ANO3: variants seen among roughly 807,000 people sequenced by gnomAD.
ANO3 encodes anoctamin 3.
In ANO3, 99 loss-of-function variants were observed where a neutral mutation model predicts 144.8. The observed-to-expected ratio is 0.68, with a 90% CI of 0.58 to 0.81. The LOEUF (loss-of-function observed/expected upper bound fraction) is 0.81. ANO3 is among the 30% of genes least tolerant of loss of function. The probability of loss-of-function intolerance (pLI) is 0.00; values close to 1 mark genes in which losing one functional copy is unlikely to be tolerated. For missense variants in ANO3, 905 were observed against 1,202.2 expected (o/e 0.75, Z 3.66); for synonymous variants, 414 against 392.6 (o/e 1.05, Z -0.64).
intron 1 of ANO3, among the ~76,000 whole-genome samples, chr11:26,303,915 T>G (rs1012870726): frequency 2.6e-5 from 4 of 152,084 alleles, no homozygotes; most frequent in Non-Finnish European, 5.9e-5. Context: ...AGTAGGGGTT[T>G]CACCACTTTG....
intron 4 of ANO3, among the ~76,000 whole-genome samples, chr11:26,504,875 G>A (rs1450119968): frequency 2.0e-5 from 3 of 151,982 alleles, no homozygotes; most frequent in African/African-American, 7.2e-5. Flanking sequence ...AGCCGGGCGT[G>A]GTGGCGGGCG....
At position 26,660,721 on chromosome 11, in the gene ANO3, A is replaced by T. The variant is rs1227186604; in HGVS notation, c.*277A>T. 2 of 314,978 alleles carry T rather than the reference A, an allele frequency of 6.3e-6. No individual in the cohort carries two copies. Among genetic ancestry groups the T allele is most frequent in the South Asian group, 1.5e-4 (2 of 13,068 alleles). The allele number at this position is 314,978 out of a possible 1,614,324, so 19.5% of individuals were successfully genotyped here. A position where few individuals can be genotyped will look rare whatever the true frequency, so the allele number is the denominator to read the frequency against. Reference sequence around the variant, plus strand: ...TCTCAGGGAGATATATGCTTGGAGAACTCTGCCTTCCATCAACTGCAGTGT... The same window carrying T: ...TCTCAGGGAGATATATGCTTGGAGATCTCTGCCTTCCATCAACTGCAGTGT... On this transcript the variant is annotated 3_prime_UTR_variant, in exon 27 of 27. Transcript: ENST00000256737.
chr11:26,226,066 C>T (rs1852251135), intron 1 of ANO3, among the ~76,000 whole-genome samples: 1 of 152,046 alleles, frequency 6.6e-6, no homozygotes, highest in Non-Finnish European at 1.5e-5. Flanking sequence ...CTACAAGCCT[C>T]TCGTATTCCC....
intron 17 of ANO3, among the ~76,000 whole-genome samples, chr11:26,603,880 G>A (rs1303133169): frequency 6.6e-6 from 1 of 152,054 alleles, no homozygotes; most frequent in Non-Finnish European, 1.5e-5. Flanking sequence ...TTAAACATAT[G>A]TATGTTGTAT....
intron 3 of ANO3, among the ~76,000 whole-genome samples, chr11:26,456,096 C>A (rs960726338): frequency 6.6e-5 from 10 of 152,060 alleles, no homozygotes; most frequent in African/African-American, 2.4e-4. Context: ...AAGACCTAAA[C>A]ATTAGACCTA....
At chr11:26,348,688 G>A (rs539063441) in intron 1 of ANO3, among the ~76,000 whole-genome samples, 1 of 152,264 alleles carries the variant, frequency 6.6e-6, no homozygotes, top group South Asian at 2.1e-4. Context: ...CATAGCAAAA[G>A]CACTCATTTA....
At chr11:26,537,925 T>C (rs1428313643) in intron 10 of ANO3, among the ~76,000 whole-genome samples, 1 of 152,230 alleles carries the variant, frequency 6.6e-6, no homozygotes, top group Non-Finnish European at 1.5e-5. Context: ...TAAGCTGCAG[T>C]GGGCCTTGTC....
chr11:26,189,158 G>C, exon 1 of ANO3: 1 of 979,042 alleles, frequency 1.0e-6, no homozygotes. Context: ...ACTTTACATA[G>C]TTATATGGGA....
At chr11:26,610,147 G>A (rs1852054270) in intron 17 of ANO3, among the ~76,000 whole-genome samples, 1 of 152,126 alleles carries the variant, frequency 6.6e-6, no homozygotes, top group Non-Finnish European at 1.5e-5. Flanking sequence ...CTGACCTCAG[G>A]TGATTCGCCT....
intron 6 of ANO3, among the ~76,000 whole-genome samples, chr11:26,519,597 C>A (rs557095133): frequency 1.1e-4 from 16 of 152,236 alleles, no homozygotes; most frequent in Admixed American, 7.9e-4. Flanking sequence ...GGTGAGGGCC[C>A]TCTTTTGGGT....
chr11:26,259,849 T>C (rs916120507), intron 1 of ANO3, among the ~76,000 whole-genome samples: 4 of 151,854 alleles, frequency 2.6e-5, no homozygotes, highest in East Asian at 1.9e-4. Flanking sequence ...CTTACTTACA[T>C]AGAGAATATA....
At chr11:26,495,260 G>A (rs925428893) in intron 4 of ANO3, among the ~76,000 whole-genome samples, 3 of 136,686 alleles carry the variant, frequency 2.2e-5, no homozygotes, top group Non-Finnish European at 3.1e-5. Flanking sequence ...GTGCCACCAC[G>A]GCTGGCTGAT....
intron 5 of ANO3, among the ~76,000 whole-genome samples, chr11:26,514,363 A>T (rs1316819205): frequency 6.6e-6 from 1 of 152,134 alleles, no homozygotes; most frequent in Non-Finnish European, 1.5e-5. Context: ...TCAACTGAGA[A>T]AAAAACATTT....
chr11:26,283,324 A>C, intron 1 of ANO3, among the ~76,000 whole-genome samples: 1 of 18,322 alleles, frequency 5.5e-5, no homozygotes, highest in African/African-American at 5.2e-4. Context: ...ATAAATAAAT[A>C]TATATATATA....
upstream of ANO3, chr11:26,331,526 G>T (rs1855040487): frequency 6.6e-6 from 1 of 152,008 alleles, no homozygotes; most frequent in Admixed American, 6.6e-5. Flanking sequence ...CTACATTACA[G>T]GGCTTTTATG....
intron 17 of ANO3, among the ~76,000 whole-genome samples, chr11:26,621,385 T>A (rs1310891401): frequency 6.6e-6 from 1 of 152,146 alleles, no homozygotes; most frequent in African/African-American, 2.4e-5. Flanking sequence ...ATACATCAAG[T>A]CTGTGCCAGA....
chr11:26,211,708 T>G (rs140126682), intron 1 of ANO3, among the ~76,000 whole-genome samples: 2,000 of 152,328 alleles, frequency 0.013, 27 homozygotes, highest in Middle Eastern at 0.034. Flanking sequence ...ATCCCATTAC[T>G]GGATATATAC....
At chr11:26,654,532 A>G (rs1271707937) in intron 24 of ANO3, among the ~76,000 whole-genome samples, 3 of 152,148 alleles carry the variant, frequency 2.0e-5, no homozygotes, top group Non-Finnish European at 2.9e-5. Context: ...TCCTATGTAT[A>G]TAACTATACC....
intron 17 of ANO3, among the ~76,000 whole-genome samples, chr11:26,616,844 C>T (rs1483401550): frequency 5.3e-5 from 8 of 152,152 alleles, no homozygotes; most frequent in Admixed American, 3.3e-4. Context: ...AAGATCTTAG[C>T]TCACCACAAC....
Sources: allele counts gnomAD v4.1 joint callset (sites outside exome capture counted in the v4.1 genomes callset), GRCh38; gene constraint gnomAD v4.1.1; transcripts MANE v1.5; gene names NCBI Gene and HGNC (gene_info 2026-07-23, HGNC 2026-07-21).